Variants in ZFHX4 observed in about 807,000 individuals in gnomAD.
ZFHX4 encodes zinc finger homeobox 4.
A neutral mutation model predicts 267.6 loss-of-function variants in ZFHX4; 56 were observed. The ratio of observed to expected loss-of-function variants is 0.21; its 90% CI spans 0.17 to 0.26. ZFHX4 has a LOEUF of 0.26. Among genes scored for constraint, ZFHX4 ranks in the 10% least tolerant of loss-of-function variants. ZFHX4 has a pLI of 1.00. For missense variants in ZFHX4, 4,332 were observed against 4,420.0 expected (o/e 0.98, Z 0.56); for synonymous variants, 1,778 against 1,665.6 (o/e 1.07, Z -1.64).
At chr8:76,729,619 T>TA (rs1792687840) in intron 3 of ZFHX4, among the ~76,000 whole-genome samples, 1 of 152,194 alleles carries the variant, frequency 6.6e-6, no homozygotes, top group African/African-American at 2.4e-5. Flanking sequence ...CTCTGCCTCT[T>TA]ACAGTGGTCC....
At position 76,851,895 on chromosome 8, in the gene ZFHX4, A is replaced by G. The variant is rs1812537426; in HGVS notation, c.4974A>G (p.Val1658=). The change falls in exon 10 of 11, where the codon GTA becomes GTG. Residue 1658 remains valine, a synonymous_variant. Transcript: ENST00000651372. ...TAGATTCCATGAGTTTAGCAGCTGTAAACAGCAAAGATACCCATTTAGATG... is the reference window on the plus strand; with the variant it reads ...TAGATTCCATGAGTTTAGCAGCTGTGAACAGCAAAGATACCCATTTAGATG... ...GMLDSMSLAA[V]NSKDTHLDAK... 2 of 1,614,016 alleles carry G rather than the reference A, an allele frequency of 1.2e-6. No homozygotes were observed. Among genetic ancestry groups the G allele is most frequent in the African/African-American group, 1.3e-5 (1 of 75,062 alleles).
intron 6 of ZFHX4, among the ~76,000 whole-genome samples, chr8:76,847,040 T>C (rs546606300): frequency 6.6e-6 from 1 of 152,286 alleles, no homozygotes; most frequent in South Asian, 2.1e-4. Flanking sequence ...TGGGGGAACA[T>C]TTAAAGAAAC....
At chr8:76,835,276 T>TATA (rs1554572221) in intron 5 of ZFHX4, among the ~76,000 whole-genome samples, 1 of 146,474 alleles carries the variant, frequency 6.8e-6, no homozygotes, top group Non-Finnish European at 1.5e-5. Flanking sequence ...CATATATTTG[T>TATA]TAAAAATGGC....
chr8:76,793,664 A>G (rs780815850), intron 4 of ZFHX4, among the ~76,000 whole-genome samples: 2 of 152,220 alleles, frequency 1.3e-5, no homozygotes, highest in African/African-American at 4.8e-5. Flanking sequence ...TATAATTGCC[A>G]TCATTTACTC....
At chr8:76,843,184 T>G (rs1279828731) in intron 6 of ZFHX4, among the ~76,000 whole-genome samples, 2 of 152,226 alleles carry the variant, frequency 1.3e-5, no homozygotes, top group African/African-American at 2.4e-5. Context: ...TTCAGTCACA[T>G]GTATTCGCCC....
At chr8:76,723,322 C>A (rs1808772315) in intron 3 of ZFHX4, among the ~76,000 whole-genome samples, 1 of 152,004 alleles carries the variant, frequency 6.6e-6, no homozygotes, top group Non-Finnish European at 1.5e-5. Context: ...TCACTTAATG[C>A]TCTTTGAGAT....
In ZFHX4 at chr8:76,835,228, T is replaced by TAC. The variant is rs1403362197; in HGVS notation, c.3394+1823_3394+1824insCA. On this transcript the variant is annotated intron_variant, in intron 5 of 10. Transcript: ENST00000651372. The stretch of plus-strand genomic sequence containing the variant: ...TTTGGTGTATATATATGTATATATA[T>TAC]ATATATATATATGTATATATATATA... Among the ~76,000 whole-genome samples the TAC allele has an allele frequency of 1.8e-3, 115 of 62,744 alleles. 2 individuals are homozygous for TAC. The highest frequency in any genetic ancestry group is 2.6e-3 in the Non-Finnish European group (85 of 32,110). The allele number at this position is 62,744 out of a possible 152,430, so 41.2% of individuals were successfully genotyped here.
chr8:76,711,958 T>A (rs1808435827), intron 3 of ZFHX4, among the ~76,000 whole-genome samples: 2 of 152,250 alleles, frequency 1.3e-5, no homozygotes, highest in South Asian at 4.1e-4. Flanking sequence ...GCTGCTCTTT[T>A]AATATTATAT....
intron 1 of ZFHX4, among the ~76,000 whole-genome samples, chr8:76,703,414 G>A (rs1231386870): frequency 6.6e-6 from 1 of 152,172 alleles, no homozygotes; most frequent in African/African-American, 2.4e-5. Context: ...TGTGATTGGT[G>A]CTTAATCAGG....
intron 3 of ZFHX4, among the ~76,000 whole-genome samples, chr8:76,723,005 G>T (rs1300501264): frequency 2.0e-5 from 3 of 151,986 alleles, no homozygotes; most frequent in East Asian, 3.9e-4. Flanking sequence ...AACTTGAAAA[G>T]CAGTGAATGT....
At position 76,863,116 on chromosome 8, in the gene ZFHX4, C is replaced by T. The variant is rs1343722313; in HGVS notation, c.9402C>T (p.Gly3134=). 1 of 1,528,982 alleles carries T rather than the reference C, an allele frequency of 6.5e-7. No homozygotes were observed. The highest frequency in any genetic ancestry group is 8.8e-7 in the Non-Finnish European group (1 of 1,137,030). The allele number at this position is 1,528,982 out of a possible 1,614,324, so 94.7% of individuals were successfully genotyped here. A position where few individuals can be genotyped will look rare whatever the true frequency, so the allele number is the denominator to read the frequency against. The part of the protein sequence containing the change: ...NSNTLTPPGA[G]MLGFPTSATS... ...CAGCTTTAACACCTCCCGGTGCAGG[C>T]ATGCTTGGGTTTCCTACTTCAGCTA... The change falls in exon 11 of 11, where the codon GGC becomes GGT. Residue 3134 remains glycine (G), a synonymous_variant. Coordinates refer to ENST00000651372, the MANE Select transcript of ZFHX4 (RefSeq NM_024721.5).
chr8:76,832,737 C>T (rs1811968816), intron 4 of ZFHX4, among the ~76,000 whole-genome samples: 1 of 152,080 alleles, frequency 6.6e-6, no homozygotes, highest in Non-Finnish European at 1.5e-5. Flanking sequence ...AGGAATCACG[C>T]AGTTAGTTGA....
Position 76,851,021 on chromosome 8 carries a change from A to C in ZFHX4, c.4100A>C (p.Asp1367Ala). The C allele has an allele frequency of 6.2e-7, 1 of 1,613,928 alleles. No homozygotes were observed. The highest frequency in any genetic ancestry group is 2.2e-5 in the East Asian group (1 of 44,846). ...VSEWNKNSSK[D>A]VKIPDTLQDQ... Reference sequence around the variant, plus strand: ...GAATGGAATAAAAATAGCAGTAAGGATGTGAAAATCCCCGACACACTGCAA... The same window carrying C: ...GAATGGAATAAAAATAGCAGTAAGGCTGTGAAAATCCCCGACACACTGCAA... The change falls in exon 10 of 11, where the codon GAT (aspartate) becomes GCT (alanine). Residue 1367 changes from aspartate to alanine, a missense_variant. Coordinates refer to ENST00000651372, the MANE Select transcript of ZFHX4 (RefSeq NM_024721.5).
Position 76,864,021 on chromosome 8 carries a change from A to G in ZFHX4, c.10307A>G (p.Gln3436Arg). ...TTCGGTCAGCCTTTGATTGACCCAC[A>G]AGAGACAGTGCTTCGTGTCCCAGTC... ...CYFGQPLIDP[Q>R]ETVLRVPVSK... Residue 3436 changes from glutamine (Q) to arginine (R), a missense_variant, in exon 11 of 11, where the codon CAA (glutamine) becomes CGA (arginine). Physicochemically the swap from Gln to Arg is conservative, Grantham distance 43. This residue lies in a region of ZFHX4 where 1,648 missense variants were observed against 1,625.0 expected (regional missense o/e 1.01). Transcript: ENST00000651372. 2.5e-6 allele frequency: 4 copies of G among 1,613,870 alleles called. No homozygotes were observed. Among genetic ancestry groups the G allele is most frequent in the Non-Finnish European group, 3.4e-6 (4 of 1,179,850 alleles).
chr8:76,780,407 G>C (rs1403248703), intron 4 of ZFHX4, among the ~76,000 whole-genome samples: 1 of 152,104 alleles, frequency 6.6e-6, no homozygotes. Context: ...AGAAAGATGT[G>C]AACTCATTTG....
chr8:76,725,846 T>A (rs1318029805), intron 3 of ZFHX4, among the ~76,000 whole-genome samples: 3 of 152,154 alleles, frequency 2.0e-5, no homozygotes, highest in African/African-American at 7.2e-5. Context: ...CAAGGACATT[T>A]CGAAGTCATA....
chr8:76,769,879 CTGTT>C (rs1312807254), intron 3 of ZFHX4, among the ~76,000 whole-genome samples: 6 of 152,090 alleles, frequency 3.9e-5, no homozygotes. Flanking sequence ...ATGACTACTA[CTGTT>C]TGTTCAAAGT....
chr8:76,863,437 T>G lies in ZFHX4; in HGVS notation c.9723T>G (p.Ile3241Met), dbSNP rs1812931452. 6.2e-7 allele frequency: 1 copy of G among 1,613,956 alleles called. No individual in the cohort carries two copies. The change falls in exon 11 of 11, where the codon ATT (isoleucine) becomes ATG (methionine). Residue 3241 changes from isoleucine (I) to methionine (M), a missense_variant. Around this residue, in one of 7 missense-constraint regions of ZFHX4, gnomAD observed 1,648 missense variants for 1,625.0 expected, o/e 1.01. Transcript: ENST00000651372. The stretch of plus-strand genomic sequence containing the variant: ...TAGGTGAAACACATGTCGATCCTAT[T>G]CAGTTGCAGGCATTACAGAATGCAA... The part of the protein sequence containing the change: ...KVVGETHVDP[I>M]QLQALQNAIA...
Position 76,705,245 on chromosome 8 carries a change from C to G in ZFHX4, c.1157C>G (p.Ala386Gly). The stretch of plus-strand genomic sequence containing the variant: ...GGCTTTGCCTTCTTAAAAGGAAGCG[C>G]GAGCACCTCGAGCTCAGCAGAGCAG... ...PAGFAFLKGSASTSSSAEQPL... is the reference protein window; with the variant it reads ...PAGFAFLKGSGSTSSSAEQPL... The change falls in exon 2 of 11, where the codon GCG (alanine) becomes GGG (glycine). Residue 386 changes from alanine to glycine, a missense_variant. This residue lies in a region of ZFHX4 where 1,195 missense variants were observed against 1,173.6 expected (regional missense o/e 1.02). Coordinates refer to ENST00000651372, the MANE Select transcript of ZFHX4 (RefSeq NM_024721.5). 1.2e-6 allele frequency: 2 copies of G among 1,613,960 alleles called. No individual in the cohort carries two copies. The highest frequency in any genetic ancestry group is 2.2e-5 in the South Asian group (2 of 91,078).
Sources: allele counts gnomAD v4.1 joint callset (sites outside exome capture counted in the v4.1 genomes callset), GRCh38; gene constraint gnomAD v4.1.1; regional missense constraint gnomAD v4.1.1; transcripts MANE v1.5; gene names NCBI Gene and HGNC (gene_info 2026-07-23, HGNC 2026-07-21).